Variants in SVOPL observed in about 807,000 individuals in gnomAD.
The protein encoded by SVOPL is putative transporter SVOPL.
A neutral mutation model predicts 61.0 loss-of-function variants in SVOPL; 60 were observed. The observed-to-expected ratio is 0.98, with a 90% CI of 0.80 to 1.22. The LOEUF (loss-of-function observed/expected upper bound fraction) is 1.22, where lower values mean the gene tolerates loss of function less well. SVOPL is among the 50% of genes most tolerant of loss of function. SVOPL has a pLI of 0.00. For missense variants in SVOPL, 662 were observed against 643.9 expected (o/e 1.03, Z -0.30); for synonymous variants, 279 against 250.0 (o/e 1.12, Z -1.09).
At chr7:138,601,531 GCTCT>G (rs1262013990) in intron 14 of SVOPL, among the ~76,000 whole-genome samples, 36 of 151,768 alleles carry the variant, frequency 2.4e-4, no homozygotes, top group African/African-American at 8.7e-4. Flanking sequence ...AATACTGCAT[GCTCT>G]CTCTTATATG....
chr7:138,636,650 T>C (rs146264243), intron 9 of SVOPL, among the ~76,000 whole-genome samples: 2,298 of 152,140 alleles, frequency 0.015, 27 homozygotes, highest in Non-Finnish European at 0.025. Context: ...TTTGTATTTT[T>C]AGTAAAGACA....
intron 14 of SVOPL, among the ~76,000 whole-genome samples, chr7:138,612,205 G>C (rs1247745798): frequency 2.7e-5 from 1 of 36,368 alleles, no homozygotes; most frequent in Non-Finnish European, 6.1e-5. Flanking sequence ...CAGCATGCTC[G>C]TTAAGAGTCA....
intron 7 of SVOPL, among the ~76,000 whole-genome samples, chr7:138,655,571 G>A (rs771724946): frequency 3.6e-4 from 54 of 148,508 alleles, no homozygotes; most frequent in African/African-American, 1.1e-3. Context: ...CTACACACAC[G>A]CACACACACA....
chr7:138,618,360 T>C (rs889205244), intron 14 of SVOPL, among the ~76,000 whole-genome samples: 4 of 152,044 alleles, frequency 2.6e-5, no homozygotes, highest in African/African-American at 9.7e-5. Flanking sequence ...TTATCTCCAC[T>C]TTAGAAAGGA....
intron 13 of SVOPL, among the ~76,000 whole-genome samples, chr7:138,623,598 T>C (rs928736413): frequency 6.6e-6 from 1 of 152,042 alleles, no homozygotes; most frequent in East Asian, 1.9e-4. Flanking sequence ...AGACTCTGTC[T>C]CAAAACAAAA....
At chr7:138,624,865 G>A (rs1162768376) in intron 13 of SVOPL, among the ~76,000 whole-genome samples, 1 of 151,744 alleles carries the variant, frequency 6.6e-6, no homozygotes, top group African/African-American at 2.4e-5. Flanking sequence ...CCCCATCCCT[G>A]GCTAATTTTT....
At chr7:138,597,641 C>CGTGTGTGTGT (rs60875635) in intron 14 of SVOPL, among the ~76,000 whole-genome samples, 19,843 of 147,492 alleles carry the variant, frequency 0.13, 1,680 homozygotes, top group East Asian at 0.38. Context: ...ATAACGTCTG[C>CGTGTGTGTGT]GTGTGTGTGT....
At position 138,692,906 on chromosome 7, in the gene SVOPL, G is replaced by A. The variant is rs150070950; in HGVS notation, c.-35+8272C>T. Among the ~76,000 whole-genome samples, 347 of 152,266 alleles carry A rather than the reference G, an allele frequency of 2.3e-3. 3 individuals carry two copies. The highest frequency in any genetic ancestry group is 7.9e-3 in the African/African-American group (329 of 41,558). On this transcript the variant is annotated intron_variant, in intron 1 of 15. Transcript: ENST00000674285. ...TTACATATAACAAAGGTGAGAGTTG[G>A]AAGTCGGTGAGGAAAGGTGGAGGGA...
chr7:138,623,372 G>A lies in SVOPL; in HGVS notation c.1264-2237C>T, dbSNP rs953200827. 3.2e-4 allele frequency among the ~76,000 whole-genome samples: 48 copies of A among 152,080 alleles called. 1 individual carries two copies. The highest frequency in any genetic ancestry group is 5.3e-4 in the Non-Finnish European group (36 of 68,022). ...TCCGAGCACTTTGGGAGGCCGAGGC[G>A]GGCGGATCATGAGGTCAGAAGATTG... On this transcript the variant is annotated intron_variant, in intron 13 of 15. Transcript: ENST00000674285.
chr7:138,634,994 C>T (rs1000770688), intron 9 of SVOPL, among the ~76,000 whole-genome samples: 10 of 152,154 alleles, frequency 6.6e-5, no homozygotes, highest in Non-Finnish European at 1.5e-4. Flanking sequence ...ATGGGCCGGG[C>T]GCAGTGGCTC....
intron 6 of SVOPL, among the ~76,000 whole-genome samples, 191 bp from the exon 7 acceptor site, chr7:138,656,702 G>T (rs2117057055): frequency 6.6e-6 from 1 of 152,218 alleles, no homozygotes; most frequent in East Asian, 1.9e-4. Context: ...AATTGCTCCT[G>T]GGTTTACATC....
chr7:138,676,411 G>A (rs1333528004), intron 3 of SVOPL, among the ~76,000 whole-genome samples: 2 of 152,186 alleles, frequency 1.3e-5, no homozygotes, highest in African/African-American at 2.4e-5. Flanking sequence ...GCTGCCCGGA[G>A]AGGACCTACT....
At chr7:138,628,477 GC>G in intron 10 of SVOPL, 114 bp from the exon 11 acceptor site, 1 of 1,062,248 alleles carries the variant, frequency 9.4e-7, no homozygotes, top group Non-Finnish European at 1.4e-6. Flanking sequence ...AGAGCAGAAA[GC>G]CAGGCTCAGA....
At chr7:138,700,420 C>T (rs1406010451) in intron 1 of SVOPL, among the ~76,000 whole-genome samples, 9 of 146,246 alleles carry the variant, frequency 6.2e-5, no homozygotes, top group Non-Finnish European at 1.0e-4. Flanking sequence ...CTCACTGCAA[C>T]CTCTGCCTCC....
At chr7:138,606,010 T>TTA (rs1798741920) in intron 14 of SVOPL, among the ~76,000 whole-genome samples, 2 of 147,430 alleles carry the variant, frequency 1.4e-5, no homozygotes, top group Admixed American at 6.7e-5. Flanking sequence ...TTTTTCTATT[T>TTA]AAAAAAAAAA....
chr7:138,665,366 T>C (rs932704554), intron 4 of SVOPL, among the ~76,000 whole-genome samples: 1 of 151,524 alleles, frequency 6.6e-6, no homozygotes, highest in South Asian at 2.1e-4. Context: ...TTTAGCACAA[T>C]TGTTCCCAGT....
intron 9 of SVOPL, among the ~76,000 whole-genome samples, chr7:138,633,565 G>A (rs1800318624): frequency 7.3e-6 from 1 of 137,414 alleles, no homozygotes; most frequent in Admixed American, 8.1e-5. Context: ...ACAGTCTGCA[G>A]AACCATGAGC....
chr7:138,662,495 A>G, intron 5 of SVOPL: 2 of 985,598 alleles, frequency 2.0e-6, no homozygotes, highest in Middle Eastern at 5.2e-4. Flanking sequence ...CTGAAAGAAC[A>G]GCTTCTTCTG....
chr7:138,661,069 A>G (rs896437793), intron 5 of SVOPL: 3 of 985,104 alleles, frequency 3.0e-6, no homozygotes, highest in Non-Finnish European at 3.6e-6. Context: ...CGTGTTTTCA[A>G]ATTTACAAGA....
Sources: gnomAD v4.1 joint callset for allele counts (sites outside exome capture counted in the v4.1 genomes callset) on GRCh38, gnomAD v4.1.1 for gene constraint, MANE v1.5 for transcripts, NCBI Gene and HGNC (gene_info 2026-07-23, HGNC 2026-07-21) for gene names.